Variants in AP3D1 observed in about 807,000 individuals in gnomAD.
AP3D1 encodes the protein AP-3 complex subunit delta-1.
In AP3D1, 51 loss-of-function variants were observed where a neutral mutation model predicts 147.6. The ratio of observed to expected loss-of-function variants is 0.35; its 90% confidence interval spans 0.28 to 0.44. The LOEUF (loss-of-function observed/expected upper bound fraction) is 0.44, where lower values mean the gene tolerates loss of function less well. Ranked by LOEUF, AP3D1 falls within the 20% of genes least tolerant of loss-of-function variation. The pLI, the probability that AP3D1 is intolerant of heterozygous loss-of-function variation, is 1.00. For synonymous variants in AP3D1, 760 were observed against 663.0 expected, an observed-to-expected ratio of 1.15 and a Z score of -2.25; for missense variants, 1,421 against 1,624.2, an observed-to-expected ratio of 0.87 and a Z score of 2.15.
At chr19:2,106,998 T>G (rs1212432884) in intron 31 of AP3D1, among the ~76,000 whole-genome samples, 13 of 152,084 alleles carry the variant, frequency 8.5e-5, no homozygotes, top group Non-Finnish European at 1.6e-4. Context: ...ACGCAGTGGC[T>G]CACACCTGTA....
chr19:2,105,818 G>A (rs953924222), intron 31 of AP3D1, among the ~76,000 whole-genome samples: 2 of 152,300 alleles, frequency 1.3e-5, no homozygotes, highest in African/African-American at 2.4e-5. Flanking sequence ...GCCGTCAGCC[G>A]GGCGCGGGGG....
At chr19:2,113,034 C>G in intron 23 of AP3D1, 67 bp from the exon 24 acceptor site, 1 of 1,179,516 alleles carries the variant, frequency 8.5e-7, no homozygotes, top group Non-Finnish European at 1.2e-6. Flanking sequence ...GCACCCCAGA[C>G]AGCCTCCATG....
intron 9 of AP3D1, among the ~76,000 whole-genome samples, chr19:2,125,373 C>T (rs763617082): frequency 4.6e-5 from 7 of 152,046 alleles, no homozygotes; most frequent in Non-Finnish European, 8.8e-5. Flanking sequence ...TGGAGTGCAA[C>T]GGCACAATCT....
chr19:2,124,639 A>G lies in AP3D1; in HGVS notation c.857-760T>C, dbSNP rs563498466. On this transcript the variant is annotated intron_variant, in intron 9 of 31. Transcript: ENST00000643116. ...CTTGGAAGCTAAGCTATGAGGACGCAAAAGCATAACAATGATCTAGGCCAG... is the reference window on the plus strand; with the variant it reads ...CTTGGAAGCTAAGCTATGAGGACGCGAAAGCATAACAATGATCTAGGCCAG... Among the ~76,000 whole-genome samples, 6 of 152,298 alleles carry G rather than the reference A, an allele frequency of 3.9e-5. No homozygotes were observed. The East Asian group carries it at 9.6e-4, about 24-fold the overall frequency.
At chr19:2,123,093 G>A (rs1329470376) in intron 11 of AP3D1, among the ~76,000 whole-genome samples, 1 of 152,254 alleles carries the variant, frequency 6.6e-6, no homozygotes, top group East Asian at 1.9e-4. Flanking sequence ...CTCCCCAGTG[G>A]GGGCCTTTGC....
chr19:2,126,727 G>A (rs758924469), intron 9 of AP3D1, among the ~76,000 whole-genome samples: 5 of 151,928 alleles, frequency 3.3e-5, no homozygotes, highest in Non-Finnish European at 7.4e-5. Flanking sequence ...ATCCACGGGT[G>A]AAACGATATG....
upstream of AP3D1, among the ~76,000 whole-genome samples, chr19:2,153,119 A>G (rs1036532399): frequency 3.3e-5 from 5 of 151,646 alleles, no homozygotes; most frequent in African/African-American, 1.2e-4. Context: ...CAAACCAGTA[A>G]TTCCAGCACT....
At chr19:2,108,189 A>C (rs1468133083) in intron 31 of AP3D1, among the ~76,000 whole-genome samples, 1 of 152,256 alleles carries the variant, frequency 6.6e-6, no homozygotes, top group Non-Finnish European at 1.5e-5. Context: ...AAGCCACCAG[A>C]AAAGAAAACT....
intron 12 of AP3D1, 129 bp downstream of exon 12, chr19:2,121,605 G>T: frequency 7.6e-7 from 1 of 1,324,476 alleles, no homozygotes; most frequent in Non-Finnish European, 1.0e-6. Context: ...CCTCTGCCCT[G>T]CCCCACCACA....
At position 2,123,949 on chromosome 19, in the gene AP3D1, G is replaced by A. The variant is rs1024776542; in HGVS notation, c.857-70C>T. 1.1e-5 allele frequency: 17 copies of A among 1,507,728 alleles called. 1 individual carries two copies. The highest frequency in any genetic ancestry group is 7.2e-5 in the South Asian group (6 of 83,384). 93.4% of individuals were successfully genotyped at this position (1,507,728 alleles called of 1,614,324 possible). ...AGCGCCGACACCAACTCAGGGCCAC[G>A]GGGCACCAGCACCCCCTCGCCGGGA... On this transcript the variant is annotated intron_variant, in intron 9 of 31. Coordinates refer to ENST00000643116, the MANE Select transcript of AP3D1 (RefSeq NM_001261826.3).
At chr19:2,112,057 G>A (rs1202530599) in intron 24 of AP3D1, 12 of 622,828 alleles carry the variant, frequency 1.9e-5, no homozygotes, top group Non-Finnish European at 3.0e-5. Context: ...AGCAGCCCGG[G>A]GAACAGTCCC....
intron 1 of AP3D1, among the ~76,000 whole-genome samples, chr19:2,147,978 T>C (rs754498338): frequency 2.0e-5 from 3 of 151,290 alleles, no homozygotes; most frequent in African/African-American, 4.9e-5. Context: ...GGACAGGAGA[T>C]TGAGACCACG....
At position 2,131,590 on chromosome 19, in the gene AP3D1, A is replaced by ACCT. The variant is rs1375817714; in HGVS notation, c.462+880_462+881insAGG. On this transcript the variant is annotated intron_variant, in intron 5 of 31. Transcript: ENST00000643116. ...AGCGCCCATCGGCCACGATCTAGACACCAGGTGGACAGGCAGCCACGCGGG... is the reference window on the plus strand; with the variant it reads ...AGCGCCCATCGGCCACGATCTAGACACCTCCAGGTGGACAGGCAGCCACGCGGG... Among the ~76,000 whole-genome samples, 60 of 140,026 alleles carry ACCT rather than the reference A, an allele frequency of 4.3e-4. 1 individual carries two copies. Among genetic ancestry groups the ACCT allele is most frequent in the Admixed American group, 6.2e-4 (9 of 14,418 alleles). The allele number at this position is 140,026 out of a possible 152,430, so 91.9% of individuals were successfully genotyped here.
upstream of AP3D1, among the ~76,000 whole-genome samples, chr19:2,153,735 GT>G (rs1295043912): frequency 6.6e-6 from 1 of 152,088 alleles, no homozygotes; most frequent in African/African-American, 2.4e-5. Context: ...TTTGGAGGAT[GT>G]ATTCATGCAT....
chr19:2,151,361 G>A lies in AP3D1; in HGVS notation c.-27C>T. ...GCGGCGGCCCACGGGCTTTTGCCTC[G>A]GGAGGCCCGCGGCTGGGCGCCGTGA... On this transcript the variant is annotated 5_prime_UTR_variant, in exon 1 of 32. Coordinates refer to ENST00000643116, the MANE Select transcript of AP3D1 (RefSeq NM_001261826.3). 1.3e-6 allele frequency: 2 copies of A among 1,506,516 alleles called. No homozygotes were observed. The highest frequency in any genetic ancestry group is 1.8e-6 in the Non-Finnish European group (2 of 1,119,162). 93.3% of individuals were successfully genotyped at this position (1,506,516 alleles called of 1,614,324 possible).
At position 2,102,155 on chromosome 19, in the gene AP3D1, G is replaced by C. The variant is rs576247354; in HGVS notation, c.*18C>G. On this transcript the variant is annotated 3_prime_UTR_variant, in exon 32 of 32. Transcript: ENST00000643116. ...GGGTACGTGCTCCGCGGGGTGGTGC[G>C]GGGCTCGCAGGCAGCTCTCAACACT... The C allele has an allele frequency of 1.1e-5, 18 of 1,604,158 alleles. No homozygotes were observed. The African/African-American group carries it at 1.6e-4, about 14-fold the overall frequency.
chr19:2,111,564 G>T, intron 25 of AP3D1, 115 bp downstream of exon 25: 5 of 1,379,322 alleles, frequency 3.6e-6, no homozygotes, highest in East Asian at 2.5e-5. Flanking sequence ...CGCCAGGCTC[G>T]GCTTCTTCTC....
intron 5 of AP3D1, 45 bp downstream of exon 5, chr19:2,132,426 C>A (rs1599478430): frequency 6.5e-7 from 1 of 1,543,300 alleles, no homozygotes; most frequent in Non-Finnish European, 8.9e-7. Context: ...CCGAGTTTTT[C>A]CCAGAGCAGA....
intron 15 of AP3D1, 76 bp from the exon 16 acceptor site, chr19:2,117,443 T>C (rs1599455209): frequency 2.0e-5 from 29 of 1,455,908 alleles, no homozygotes; most frequent in Non-Finnish European, 2.5e-5. Flanking sequence ...ACGGGGTGGC[T>C]CAGCCCCTGG....
Sources: gnomAD v4.1 joint callset for allele counts (sites outside exome capture counted in the v4.1 genomes callset) on GRCh38, gnomAD v4.1.1 for gene constraint, MANE v1.5 for transcripts, NCBI Gene and HGNC (gene_info 2026-07-23, HGNC 2026-07-21) for gene names.